The following MAN1C1 variants were observed in gnomAD, a reference collection of about 807,000 sequenced individuals.
The protein encoded by MAN1C1 is mannosidase alpha class 1C member 1, also known as mannosyl-oligosaccharide 1,2-alpha-mannosidase IC.
A neutral mutation model predicts 71.5 loss-of-function variants in MAN1C1; 49 were observed. The ratio of observed to expected loss-of-function variants is 0.69; its 90% CI spans 0.54 to 0.87. The LOEUF is 0.87. MAN1C1 is among the 40% of genes least tolerant of loss of function. MAN1C1 has a pLI of 0.00. For synonymous variants in MAN1C1, 352 were observed against 343.7 expected, an observed-to-expected ratio of 1.02 and a Z score of -0.27; for missense variants, 743 against 835.0, an observed-to-expected ratio of 0.89 and a Z score of 1.36.
At chr1:25,744,572 C>T (rs2047102879) in intron 2 of MAN1C1, among the ~76,000 whole-genome samples, 2 of 152,160 alleles carry the variant, frequency 1.3e-5, no homozygotes, top group Non-Finnish European at 2.9e-5. Flanking sequence ...TTGGCGGGCC[C>T]TCCCTTCTGG....
intron 2 of MAN1C1, among the ~76,000 whole-genome samples, chr1:25,737,567 T>C (rs2046999892): frequency 6.6e-6 from 1 of 152,220 alleles, no homozygotes; most frequent in Non-Finnish European, 1.5e-5. Context: ...CTGCCTTCTC[T>C]GTGCCCAGCC....
Position 25,776,990 on chromosome 1 carries a change from C to T in MAN1C1, c.1258-1115C>T, listed in dbSNP as rs1267436812. ...ATACAACCTGCCCAGTGTCACACAG[C>T]GTGGAACTGGTGGAGATGAAATTTG... On this transcript the variant is annotated intron_variant, in intron 8 of 11. Coordinates refer to ENST00000374332, the MANE Select transcript of MAN1C1 (RefSeq NM_020379.4). This position sits in a 1 kb window ranked among gnomAD's most constrained non-coding sequence, Gnocchi z 4.3. Among the ~76,000 whole-genome samples, 4 of 152,168 alleles carry T rather than the reference C, an allele frequency of 2.6e-5. No individual in the cohort carries two copies. The highest frequency in any genetic ancestry group is 1.9e-4 in the East Asian group (1 of 5,194).
intron 2 of MAN1C1, among the ~76,000 whole-genome samples, chr1:25,723,489 C>T (rs1337576506): frequency 2.0e-5 from 3 of 152,240 alleles, no homozygotes; most frequent in Non-Finnish European, 4.4e-5. Context: ...TTTGCTGAGT[C>T]AGCACTCCAC....
chr1:25,689,812 A>T (rs1008632010), intron 2 of MAN1C1, among the ~76,000 whole-genome samples: 4 of 152,200 alleles, frequency 2.6e-5, no homozygotes, highest in Non-Finnish European at 5.9e-5. Context: ...GTGCTGGCTG[A>T]GTAGGGTATA....
At chr1:25,643,630 G>A (rs925344843) in intron 1 of MAN1C1, among the ~76,000 whole-genome samples, 3 of 147,322 alleles carry the variant, frequency 2.0e-5, no homozygotes, top group African/African-American at 7.6e-5. Context: ...TCAGCTTCCC[G>A]AGTAGCTGGG....
At chr1:25,683,487 T>C (rs559170515) in intron 1 of MAN1C1, among the ~76,000 whole-genome samples, 2 of 152,112 alleles carry the variant, frequency 1.3e-5, no homozygotes, top group Non-Finnish European at 2.9e-5. Flanking sequence ...TAGCAGTGAA[T>C]GGGGGTGGAG....
intron 1 of MAN1C1, among the ~76,000 whole-genome samples, chr1:25,665,046 C>T (rs2045901230): frequency 1.3e-5 from 2 of 152,202 alleles, no homozygotes; most frequent in Admixed American, 6.5e-5. Flanking sequence ...TAATTATAGG[C>T]CCCTCCATTC....
intron 2 of MAN1C1, among the ~76,000 whole-genome samples, chr1:25,736,189 A>G (rs948160928): frequency 2.0e-5 from 3 of 152,130 alleles, no homozygotes; most frequent in Non-Finnish European, 4.4e-5. Flanking sequence ...CCTATTGGGT[A>G]GTTAAAATGC....
At position 25,735,188 on chromosome 1, in the gene MAN1C1, C is replaced by T. The variant is rs1264952069; in HGVS notation, c.638-11480C>T. On this transcript the variant is annotated intron_variant, in intron 2 of 11. Transcript: ENST00000374332. The surrounding 1 kb of genome is among the most constrained non-coding windows in gnomAD (Gnocchi z 4.6). Reference sequence around the variant, plus strand: ...AGGCCTGTCTCGTGGGAGACCGAGACAGGTGGATCACTTGAGGCCAGGAGT... The same window carrying T: ...AGGCCTGTCTCGTGGGAGACCGAGATAGGTGGATCACTTGAGGCCAGGAGT... Among the ~76,000 whole-genome samples the T allele has an allele frequency of 6.6e-6, 1 of 152,202 alleles. No individual in the cohort carries two copies. Among genetic ancestry groups the T allele is most frequent in the Non-Finnish European group, 1.5e-5 (1 of 68,030 alleles).
chr1:25,669,852 A>G lies in MAN1C1; in HGVS notation c.541-16588A>G, dbSNP rs192844829. On this transcript the variant is annotated intron_variant, in intron 1 of 11. Transcript: ENST00000374332. ...TTCTTAACTGAAATCCTTTCACAGG[A>G]CAAGAAACAAGGCCCTTTACTACCC... 3.2e-3 allele frequency among the ~76,000 whole-genome samples: 494 copies of G among 152,342 alleles called. 2 individuals are homozygous for G. The highest frequency in any genetic ancestry group is 0.011 in the African/African-American group (471 of 41,574).
chr1:25,699,305 TAA>T (rs778292367), intron 2 of MAN1C1, among the ~76,000 whole-genome samples: 1,475 of 124,050 alleles, frequency 0.012, 26 homozygotes, highest in African/African-American at 0.036. Context: ...CATCTTAAAT[TAA>T]AAAAAAAAAA....
chr1:25,665,104 A>T (rs1178481017), intron 1 of MAN1C1, among the ~76,000 whole-genome samples: 1 of 152,206 alleles, frequency 6.6e-6, no homozygotes, highest in Non-Finnish European at 1.5e-5. Context: ...ACAAAGAGGC[A>T]GAGAGATGGT....
intron 1 of MAN1C1, among the ~76,000 whole-genome samples, chr1:25,635,806 T>C (rs1318017662): frequency 6.6e-6 from 1 of 152,222 alleles, no homozygotes; most frequent in Non-Finnish European, 1.5e-5. Context: ...TAATTCCTGT[T>C]ATGGCAATTG....
At chr1:25,622,325 C>T (rs1397854054) in intron 1 of MAN1C1, among the ~76,000 whole-genome samples, 1 of 152,178 alleles carries the variant, frequency 6.6e-6, no homozygotes, top group Non-Finnish European at 1.5e-5. Context: ...AAGAGGCTGG[C>T]ATTTAGGGGA....
rs1317589487 is a variant in MAN1C1, at chr1:25,631,156, C to T, written c.540+12819C>T. ...ATTTTTTTTGTATTTTTAGAAGAGA[C>T]GGGGTTTTGCCATGTTGCCCAGGCT... On this transcript the variant is annotated intron_variant, in intron 1 of 11. Transcript: ENST00000374332. The surrounding 1 kb of genome is among the most constrained non-coding windows in gnomAD (Gnocchi z 4.2). Among the ~76,000 whole-genome samples the T allele has an allele frequency of 6.6e-6, 1 of 151,976 alleles. No homozygotes were observed. The highest frequency in any genetic ancestry group is 1.5e-5 in the Non-Finnish European group (1 of 68,016).
intron 2 of MAN1C1, among the ~76,000 whole-genome samples, chr1:25,704,065 G>T (rs746765470): frequency 6.6e-6 from 1 of 152,026 alleles, no homozygotes; most frequent in Non-Finnish European, 1.5e-5. Context: ...CCTTCATCCC[G>T]GCTCCTGTCT....
chr1:25,652,572 C>T (rs143144773), intron 1 of MAN1C1, among the ~76,000 whole-genome samples: 2 of 152,322 alleles, frequency 1.3e-5, no homozygotes, highest in East Asian at 3.9e-4. Context: ...TACCTGAAGC[C>T]GTGTCATCTT....
intron 1 of MAN1C1, among the ~76,000 whole-genome samples, chr1:25,654,807 T>C (rs1324702312): frequency 6.6e-6 from 1 of 151,928 alleles, no homozygotes; most frequent in Non-Finnish European, 1.5e-5. Flanking sequence ...CCACCACGCC[T>C]AGCTAATTTT....
intron 1 of MAN1C1, among the ~76,000 whole-genome samples, chr1:25,633,064 C>T (rs993368891): frequency 2.0e-5 from 3 of 152,094 alleles, no homozygotes; most frequent in African/African-American, 7.2e-5. Context: ...GACGGGGTTT[C>T]ACCATGTTGG....
Sources: gnomAD v4.1 joint callset for allele counts (sites outside exome capture counted in the v4.1 genomes callset) on GRCh38, gnomAD v4.1.1 for gene constraint, Gnocchi (gnomAD v3.1) non-coding constraint, MANE v1.5 for transcripts, NCBI Gene and HGNC (gene_info 2026-07-23, HGNC 2026-07-21) for gene names.